The following STK11IP variants were observed in gnomAD, a reference collection of about 807,000 sequenced individuals.
STK11IP encodes serine/threonine-protein kinase 11-interacting protein.
STK11IP carries 103 observed loss-of-function variants against 131.7 expected under a neutral mutation model. The observed-to-expected ratio is 0.78, with a 90% CI of 0.67 to 0.92. The LOEUF is 0.92. Ranked by LOEUF, STK11IP falls within the 40% of genes least tolerant of loss-of-function variation. The pLI is 0.00. For synonymous variants in STK11IP, 557 were observed against 575.6 expected (o/e 0.97, Z 0.46); for missense variants, 1,315 against 1,385.7 (o/e 0.95, Z 0.81).
At chr2:219,602,434 G>C (rs2106148139) in intron 5 of STK11IP, 34 bp from the exon 6 acceptor site, 1 of 1,524,636 alleles carries the variant, frequency 6.6e-7, no homozygotes, top group Non-Finnish European at 9.1e-7. Flanking sequence ...GGAAGGGGAG[G>C]GTGGGGTAAT....
chr2:219,600,568 C>G (rs1697953415), intron 2 of STK11IP, among the ~76,000 whole-genome samples: 3 of 152,178 alleles, frequency 2.0e-5, no homozygotes, highest in Admixed American at 2.0e-4. Flanking sequence ...TAGCTTGTAG[C>G]TGCACTTTTT....
At chr2:219,605,019 G>A (rs755183973) in intron 7 of STK11IP, among the ~76,000 whole-genome samples, 1 of 152,098 alleles carries the variant, frequency 6.6e-6, no homozygotes, top group Non-Finnish European at 1.5e-5. Context: ...TAGTAGAGAC[G>A]GGGTTTCACA....
intron 2 of STK11IP, among the ~76,000 whole-genome samples, chr2:219,598,880 C>A (rs569604672): frequency 1.3e-5 from 2 of 152,180 alleles, no homozygotes; most frequent in Non-Finnish European, 2.9e-5. Context: ...ATTATATGAT[C>A]TCCATCAAGA....
chr2:219,606,272 CA>C lies in STK11IP; in HGVS notation c.928del (p.Arg310GlyfsTer16). ...CTGCCCAGTACTTGTCACCCCGGGC[CA>C]GGGATGCTGCTACTGGCGTGAGTGA... The part of the protein sequence containing the change: ...ATAQYLSPRA[R>X]DAATGFLLDG... On this transcript the variant is annotated frameshift_variant, in exon 10 of 25. Transcript: ENST00000456909. LOFTEE classifies it high-confidence loss of function. 6.4e-7 allele frequency: 1 copy of C among 1,568,956 alleles called. No individual in the cohort carries two copies. The highest frequency in any genetic ancestry group is 1.4e-5 in the African/African-American group (1 of 73,798).
Position 219,598,099 on chromosome 2 carries a change from G to A in STK11IP, c.-21G>A. 1 of 1,579,850 alleles carries A rather than the reference G, an allele frequency of 6.3e-7. No individual in the cohort carries two copies. Among genetic ancestry groups the A allele is most frequent in the Non-Finnish European group, 8.6e-7 (1 of 1,164,154 alleles). ...CTTCCTCTTTCCCCCCCCAGGCTCC[G>A]CCCCCCAGCGTCCCGTGGCCATGAC... On this transcript the variant is annotated 5_prime_UTR_variant, in exon 2 of 25. Coordinates refer to ENST00000456909, the MANE Select transcript of STK11IP (RefSeq NM_052902.4).
At chr2:219,605,061 C>T (rs1412592434) in intron 7 of STK11IP, among the ~76,000 whole-genome samples, 3 of 152,174 alleles carry the variant, frequency 2.0e-5, no homozygotes, top group Non-Finnish European at 2.9e-5. Flanking sequence ...AACTCCTGGC[C>T]TCAAGTGATC....
chr2:219,605,429 C>G, intron 7 of STK11IP, 179 bp from the exon 8 acceptor site: 1 of 608,116 alleles, frequency 1.6e-6, no homozygotes, highest in Non-Finnish European at 2.9e-6. Flanking sequence ...CTGTTAGGAA[C>G]AGTGCTGGTG....
chr2:219,612,187 T>A (rs921217390), intron 19 of STK11IP, 129 bp downstream of exon 19: 15 of 809,490 alleles, frequency 1.9e-5, no homozygotes, highest in African/African-American at 1.7e-4. Context: ...CCCCAGCAGC[T>A]TCTTGCTGTG....
rs1160071491 is a variant in STK11IP, at chr2:219,606,873, C to T, written c.1134+15C>T. ...ATAAGGTTAAGGTAAGCAGCGTCCT[C>T]CGCTGCCTTGTGCCTGCGGTTGGGT... On this transcript the variant is annotated intron_variant, in intron 12 of 24. Transcript: ENST00000456909. 3 of 1,602,460 alleles carry T rather than the reference C, an allele frequency of 1.9e-6. No individual in the cohort carries two copies. The highest frequency in any genetic ancestry group is 2.7e-5 in the African/African-American group (2 of 74,834).
At chr2:219,614,366 G>A (rs1698505180) in intron 22 of STK11IP, 110 bp from the exon 23 acceptor site, 1 of 1,506,650 alleles carries the variant, frequency 6.6e-7, no homozygotes, top group Admixed American at 1.7e-5. Context: ...CCCCTTATGG[G>A]CCCCTAGTGT....
chr2:219,615,893 C>A, intron 24 of STK11IP, 151 bp from the exon 25 acceptor site: 1 of 1,010,152 alleles, frequency 9.9e-7, no homozygotes, highest in Non-Finnish European at 1.5e-6. Context: ...AGCTCAGAGT[C>A]AGGATCTTTT....
rs762693009 is a variant in STK11IP at position 219,605,623 on chromosome 2, C to T, written c.634C>T (p.His212Tyr). ...QGFLMDLCEL[H>Y]HLDISYNRLH... ...CCCCTGCCAGGATTTGTGTGAGCTC[C>T]ACCATCTGGACATCTCCTATAATCG... Residue 212 changes from histidine (H) to tyrosine (Y), a missense_variant, in exon 8 of 25, where the codon CAC (histidine) becomes TAC (tyrosine). Coordinates refer to ENST00000456909, the MANE Select transcript of STK11IP (RefSeq NM_052902.4). 2 of 1,552,046 alleles carry T rather than the reference C, an allele frequency of 1.3e-6. No individual in the cohort carries two copies. The highest frequency in any genetic ancestry group is 2.4e-5 in the South Asian group (2 of 84,078).
chr2:219,610,945 C>A (rs1278945060), intron 17 of STK11IP, among the ~76,000 whole-genome samples: 1 of 152,150 alleles, frequency 6.6e-6, no homozygotes, highest in East Asian at 1.9e-4. Context: ...GGGAGAGTTT[C>A]TCTGGTGATG....
chr2:219,609,851 T>A (rs1574626467), intron 17 of STK11IP: 1 of 325,118 alleles, frequency 3.1e-6, no homozygotes, highest in East Asian at 7.0e-5. Flanking sequence ...GTGTTGGGGA[T>A]TTTTTGGCTG....
intron 2 of STK11IP, among the ~76,000 whole-genome samples, 174 bp from the exon 3 acceptor site, chr2:219,601,061 A>T (rs989611142): frequency 2.6e-5 from 4 of 152,206 alleles, no homozygotes; most frequent in Admixed American, 1.3e-4. Context: ...TTTTTTGAAG[A>T]TGAGGGGAGC....
chr2:219,607,087 A>G lies in STK11IP; in HGVS notation c.1169A>G (p.Glu390Gly). The change falls in exon 13 of 25, where the codon GAA (glutamate) becomes GGA (glycine). Residue 390 changes from glutamate (E) to glycine (G), a missense_variant. Transcript: ENST00000456909. ...RVRVRRASIS[E>G]PSDTDPEPRT... ...CGTGTGAGGCGGGCAAGCATCTCTG[A>G]ACCCAGTGATACGGACCCGGAGCCC... The G allele has an allele frequency of 6.2e-7, 1 of 1,613,882 alleles. No individual in the cohort carries two copies. Among genetic ancestry groups the G allele is most frequent in the South Asian group, 1.1e-5 (1 of 91,088 alleles).
At position 219,613,112 on chromosome 2, in the gene STK11IP, C is replaced by T. The variant is rs76384705; in HGVS notation, c.2440-16C>T. 2.8e-3 allele frequency: 4,426 copies of T among 1,609,250 alleles called. 103 individuals carry two copies. The African/African-American group carries it at 0.051, about 19-fold the overall frequency. The stretch of plus-strand genomic sequence containing the variant: ...GGCCTCTCATCAGGTTTCTCACCAA[C>T]TTCCTCTTCCCCCAGGTGCCAGTGG... On this transcript the variant is annotated splice_polypyrimidine_tract_variant and intron_variant, in intron 19 of 24. Transcript: ENST00000456909.
At position 219,601,995 on chromosome 2, in the gene STK11IP, G is replaced by T. The variant is rs1698001576; in HGVS notation, c.350G>T (p.Gly117Val). 12 of 1,610,704 alleles carry T rather than the reference G, an allele frequency of 7.5e-6. No individual in the cohort carries two copies. In the East Asian group the frequency reaches 2.2e-4, roughly 30 times the overall value. ...CCTCTTTCCTTGTCCCAGCTCCGAG[G>T]TGTTCCCCTCCACTGTCTGCATGGC... ...FKSLRHLELR[G>V]VPLHCLHGLR... is the part of the protein sequence containing the mutation. The change falls in exon 5 of 25, where the codon GGT becomes GTT. Residue 117 changes from glycine to valine, a missense_variant. Coordinates refer to ENST00000456909, the MANE Select transcript of STK11IP (RefSeq NM_052902.4).
chr2:219,613,600 T>C (rs1204588451), intron 20 of STK11IP, among the ~76,000 whole-genome samples, 152 bp from the exon 21 acceptor site: 1 of 19,224 alleles, frequency 5.2e-5, no homozygotes, highest in East Asian at 1.3e-3. Flanking sequence ...ATGGGGTGAG[T>C]GAGGGAGGAG....
Sources: gnomAD v4.1 joint callset for allele counts (sites outside exome capture counted in the v4.1 genomes callset) on GRCh38, gnomAD v4.1.1 for gene constraint, MANE v1.5 for transcripts, NCBI Gene and HGNC (gene_info 2026-07-23, HGNC 2026-07-21) for gene names.